Variants in MNAT1 observed in about 807,000 individuals in gnomAD.
MNAT1 encodes the protein CDK-activating kinase assembly factor MAT1.
Under a neutral mutation model 42.0 loss-of-function variants are expected in MNAT1, and 43 were observed. That is an observed-to-expected ratio of 1.02 (90% CI 0.80 to 1.32). The LOEUF is 1.32. MNAT1 is among the 40% of genes most tolerant of loss of function. MNAT1 has a pLI of 0.00. For missense variants in MNAT1, 306 were observed against 350.4 expected (o/e 0.87, Z 1.01); for synonymous variants, 118 against 120.0 (o/e 0.98, Z 0.11).
intron 1 of MNAT1, among the ~76,000 whole-genome samples, chr14:60,757,286 G>C (rs1447912020): frequency 6.6e-6 from 1 of 152,014 alleles, no homozygotes; most frequent in East Asian, 1.9e-4. Flanking sequence ...CTCAGTTTTT[G>C]GTGATAATTC....
At chr14:60,843,102 C>G (rs901990801) in intron 6 of MNAT1, among the ~76,000 whole-genome samples, 2 of 152,184 alleles carry the variant, frequency 1.3e-5, no homozygotes, top group African/African-American at 4.8e-5. Flanking sequence ...AAGCAGCTGG[C>G]TGGGCACAGT....
intron 6 of MNAT1, among the ~76,000 whole-genome samples, chr14:60,861,778 A>G (rs2139434915): frequency 6.6e-6 from 1 of 152,314 alleles, no homozygotes; most frequent in African/African-American, 2.4e-5. Context: ...GCTTTCAACA[A>G]GGCAAGTCTT....
At position 60,808,425 on chromosome 14, in the gene MNAT1, G is replaced by T; in HGVS notation, c.417G>T (p.Lys139Asn). The T allele has an allele frequency of 6.6e-7, 1 of 1,515,556 alleles. No homozygotes were observed. The highest frequency in any genetic ancestry group is 8.9e-7 in the Non-Finnish European group (1 of 1,118,938). The allele number at this position is 1,515,556 out of a possible 1,614,324, so 93.9% of individuals were successfully genotyped here. Reference protein sequence around the residue: ...NKDVIQKNKLKLTREQEELEE... With the variant: ...NKDVIQKNKLNLTREQEELEE... ...ATGTTATTCAGAAAAATAAATTAAA[G>T]CTGGTCGGTTGCTAAGTATTTTCTT... Residue 139 changes from lysine to asparagine, a missense_variant, in exon 4 of 8, where the codon AAG (lysine) becomes AAT (asparagine). Physicochemically the swap from Lys to Asn is moderately conservative, Grantham distance 94 (BLOSUM62 0). Around this residue, in one of 3 missense-constraint regions of MNAT1, gnomAD observed 118 missense variants for 99.8 expected, o/e 1.18. Transcript: ENST00000261245.
chr14:60,905,169 CAG>C (rs1406421777), intron 7 of MNAT1, among the ~76,000 whole-genome samples: 6 of 151,726 alleles, frequency 4.0e-5, no homozygotes, highest in African/African-American at 1.2e-4. Flanking sequence ...GTGAGCCAAA[CAG>C]AGGAGTAAAT....
chr14:60,946,204 A>G (rs1267922792), intron 7 of MNAT1, among the ~76,000 whole-genome samples: 1 of 152,166 alleles, frequency 6.6e-6, no homozygotes, highest in Non-Finnish European at 1.5e-5. Flanking sequence ...TCAAATTTCC[A>G]TCTTAAAACC....
intron 6 of MNAT1, among the ~76,000 whole-genome samples, chr14:60,847,504 C>G (rs2139411481): frequency 6.6e-6 from 1 of 150,630 alleles, no homozygotes; most frequent in East Asian, 1.9e-4. Flanking sequence ...CTTTTGCTTT[C>G]AACCTATTTT....
intron 7 of MNAT1, among the ~76,000 whole-genome samples, chr14:60,880,804 T>C (rs1175850632): frequency 6.6e-6 from 1 of 152,154 alleles, no homozygotes; most frequent in Non-Finnish European, 1.5e-5. Flanking sequence ...TTTATTCTCT[T>C]AAAGTCCTAC....
intron 7 of MNAT1, among the ~76,000 whole-genome samples, chr14:60,904,442 T>C (rs1382926645): frequency 1.3e-5 from 2 of 152,228 alleles, no homozygotes; most frequent in South Asian, 4.1e-4. Flanking sequence ...TGAATCTTTG[T>C]GCTTAAAATT....
chr14:60,865,223 A>C (rs2034178711), intron 6 of MNAT1, among the ~76,000 whole-genome samples: 1 of 152,100 alleles, frequency 6.6e-6, no homozygotes, highest in African/African-American at 2.4e-5. Context: ...TACTAATCTT[A>C]CATGGTATTT....
chr14:60,879,032 A>G (rs1195316294), intron 6 of MNAT1, among the ~76,000 whole-genome samples: 1 of 151,800 alleles, frequency 6.6e-6, no homozygotes, highest in Non-Finnish European at 1.5e-5. Flanking sequence ...TAGGGCATGA[A>G]CAAGTTTTTT....
At chr14:60,794,577 G>A (rs1422669557) in intron 1 of MNAT1, among the ~76,000 whole-genome samples, 3 of 138,862 alleles carry the variant, frequency 2.2e-5, no homozygotes, top group Admixed American at 7.9e-5. Flanking sequence ...GATGTAGGAC[G>A]ATTGCCTGAA....
chr14:60,886,487 T>C (rs2034673748), intron 7 of MNAT1, among the ~76,000 whole-genome samples: 3 of 152,038 alleles, frequency 2.0e-5, no homozygotes, highest in Admixed American at 2.0e-4. Context: ...ATCTTTTTGA[T>C]TAATCTTTTG....
At chr14:60,828,455 T>C (rs2033116363) in intron 6 of MNAT1, among the ~76,000 whole-genome samples, 1 of 152,104 alleles carries the variant, frequency 6.6e-6, no homozygotes, top group African/African-American at 2.4e-5. Context: ...TATAGACTCC[T>C]ATATAGTAGG....
intron 1 of MNAT1, among the ~76,000 whole-genome samples, chr14:60,750,699 T>C (rs2030050779): frequency 6.6e-6 from 1 of 152,184 alleles, no homozygotes; most frequent in African/African-American, 2.4e-5. Flanking sequence ...TGCAGCCTGA[T>C]TTTAGCTGTT....
chr14:60,749,184 G>A (rs879702379), intron 1 of MNAT1, among the ~76,000 whole-genome samples: 3 of 152,188 alleles, frequency 2.0e-5, no homozygotes, highest in Admixed American at 2.0e-4. Flanking sequence ...GTATCAGAAA[G>A]TTTCATAGCA....
chr14:60,835,339 T>C (rs2033361992), intron 6 of MNAT1, among the ~76,000 whole-genome samples: 1 of 152,114 alleles, frequency 6.6e-6, no homozygotes, highest in African/African-American at 2.4e-5. Flanking sequence ...TTCTTCATAG[T>C]GTTGATGGTC....
At chr14:60,875,561 A>G (rs2034419637) in intron 6 of MNAT1, among the ~76,000 whole-genome samples, 1 of 152,122 alleles carries the variant, frequency 6.6e-6, no homozygotes, top group Non-Finnish European at 1.5e-5. Flanking sequence ...ACTTTATTAA[A>G]TAGTAACGTT....
intron 1 of MNAT1, among the ~76,000 whole-genome samples, chr14:60,747,105 C>T (rs1235794075): frequency 2.0e-5 from 3 of 150,052 alleles, no homozygotes. Flanking sequence ...TCTGCCTCAG[C>T]CTCCTGAGTA....
chr14:60,800,407 A>T (rs1409997641), intron 3 of MNAT1, among the ~76,000 whole-genome samples: 2 of 152,090 alleles, frequency 1.3e-5, no homozygotes, highest in Non-Finnish European at 2.9e-5. Flanking sequence ...AGCTGGGTGT[A>T]GTGGCACACG....
Sources: gnomAD v4.1 joint callset for allele counts (sites outside exome capture counted in the v4.1 genomes callset) on GRCh38, gnomAD v4.1.1 for gene constraint, gnomAD v4.1.1 regional missense constraint, MANE v1.5 for transcripts, NCBI Gene and HGNC (gene_info 2026-07-23, HGNC 2026-07-21) for gene names.